Variants in ANXA2 observed in about 807,000 individuals in gnomAD.
ANXA2 encodes annexin II.
A neutral mutation model predicts 47.3 loss-of-function variants in ANXA2; 28 were observed. The observed-to-expected ratio is 0.59, with a 90% CI of 0.44 to 0.81. The LOEUF (loss-of-function observed/expected upper bound fraction) is 0.81, where lower values mean the gene tolerates loss of function less well. Ranked by LOEUF, ANXA2 falls within the 40% of genes least tolerant of loss-of-function variation. ANXA2 has a pLI of 0.00. For missense variants in ANXA2, 384 were observed against 414.3 expected (o/e 0.93, Z 0.64); for synonymous variants, 172 against 155.5 (o/e 1.11, Z -0.79).
chr15:60,386,181 ATT>A, intron 1 of ANXA2, 95 bp from the exon 2 acceptor site: 2 of 844,008 alleles, frequency 2.4e-6, no homozygotes, highest in Non-Finnish European at 1.9e-6. Flanking sequence ...TCCTTGGACC[ATT>A]TCATCTGACG....
intron 12 of ANXA2, 120 bp from the exon 13 acceptor site, chr15:60,347,809 C>T (rs572227265): frequency 9.2e-6 from 8 of 873,916 alleles, no homozygotes; most frequent in South Asian, 7.6e-5. Flanking sequence ...GAAGACTCTG[C>T]AGGAGACCTG....
rs767567164 is a variant in ANXA2 at position 60,347,628 on chromosome 15, C to T, written c.*2G>A. ...TTCTGGACGCTCAGGCCGTGTCGGG[C>T]TTCAGTCATCTCCACCACACAGGTA... On this transcript the variant is annotated 3_prime_UTR_variant, in exon 13 of 13. Transcript: ENST00000451270. 4 of 1,614,026 alleles carry T rather than the reference C, an allele frequency of 2.5e-6. No individual in the cohort carries two copies. In the Admixed American group the frequency reaches 5.0e-5, roughly 20 times the overall value.
intron 3 of ANXA2, among the ~76,000 whole-genome samples, chr15:60,368,046 T>C (rs2062659319): frequency 7.5e-6 from 1 of 133,014 alleles, no homozygotes; most frequent in African/African-American, 2.9e-5. Context: ...ATGTGCTGCG[T>C]CCACTCAGGG....
At chr15:60,379,130 T>G (rs2062820246) in intron 3 of ANXA2, among the ~76,000 whole-genome samples, 1 of 151,400 alleles carries the variant, frequency 6.6e-6, no homozygotes, top group East Asian at 1.9e-4. Context: ...AATACAAAAA[T>G]TAACCAGGTG....
chr15:60,382,240 A>C (rs905778627), intron 3 of ANXA2, 102 bp downstream of exon 3: 4 of 835,910 alleles, frequency 4.8e-6, no homozygotes, highest in Non-Finnish European at 8.1e-6. Context: ...GCTCGATGAC[A>C]ATTTCAAATC....
chr15:60,350,155 CAGGGGAAGGCAGGGAGGG>C (rs1566928484), intron 11 of ANXA2, among the ~76,000 whole-genome samples: 1 of 11,534 alleles, frequency 8.7e-5, no homozygotes, highest in Non-Finnish European at 1.7e-4. Flanking sequence ...GGCAGGGAGG[CAGGGGAAGGCAGGGAGGG>C]AGGGAGGAAA....
intron 7 of ANXA2, 27 bp from the exon 8 acceptor site, chr15:60,354,240 A>G (rs369037079): frequency 8.5e-5 from 133 of 1,564,866 alleles, no homozygotes; most frequent in Non-Finnish European, 1.0e-4. Flanking sequence ...AAGAACTTCA[A>G]ATACATTTCT....
chr15:60,353,423 C>A (rs1338185916), intron 8 of ANXA2, among the ~76,000 whole-genome samples: 1 of 152,154 alleles, frequency 6.6e-6, no homozygotes, highest in African/African-American at 2.4e-5. Context: ...CACCTGCCTG[C>A]CTGATTGGTA....
intron 4 of ANXA2, among the ~76,000 whole-genome samples, chr15:60,362,232 C>T (rs1432813286): frequency 6.6e-6 from 1 of 152,062 alleles, no homozygotes; most frequent in African/African-American, 2.4e-5. Context: ...TAGGTAACTC[C>T]AAACTTAGCC....
At chr15:60,351,109 CATGA>C (rs1303401802) in intron 11 of ANXA2, 80 bp downstream of exon 11, 2 of 1,439,576 alleles carry the variant, frequency 1.4e-6, no homozygotes, top group Non-Finnish European at 1.9e-6. Flanking sequence ...TTCCTCCATC[CATGA>C]ATCAAGGAGA....
chr15:60,389,475 G>A (rs978145011), intron 1 of ANXA2, among the ~76,000 whole-genome samples: 2 of 152,140 alleles, frequency 1.3e-5, no homozygotes, highest in Non-Finnish European at 2.9e-5. Flanking sequence ...CCAGTACTGT[G>A]CAGATCAAAG....
chr15:60,356,053 A>C (rs2062425486), intron 6 of ANXA2, 55 bp from the exon 7 acceptor site: 1 of 1,353,456 alleles, frequency 7.4e-7, no homozygotes, highest in Non-Finnish European at 1.1e-6. Context: ...CCAACCATCC[A>C]CCCCAATCTC....
In ANXA2 at chr15:60,382,409, G is replaced by C. The variant is rs768653435; in HGVS notation, c.81C>G (p.Val27=). 1.4e-5 allele frequency: 22 copies of C among 1,613,764 alleles called. No individual in the cohort carries two copies. The highest frequency in any genetic ancestry group is 1.3e-5 in the Non-Finnish European group (15 of 1,179,870). The change falls in exon 3 of 13, where the codon GTC becomes GTG. Residue 27 remains valine (V), a synonymous_variant. Transcript: ENST00000451270. Reference sequence around the variant, plus strand: ...CAGCATCAAAGTTAGTATAGGCTTTGACAGACCCATATGCACTTGGGGGTG... The same window carrying C: ...CAGCATCAAAGTTAGTATAGGCTTTCACAGACCCATATGCACTTGGGGGTG... ...HSTPPSAYGS[V]KAYTNFDAER...
At chr15:60,350,118 G>GCA (rs1895936775) in intron 11 of ANXA2, among the ~76,000 whole-genome samples, 1 of 55,790 alleles carries the variant, frequency 1.8e-5, no homozygotes, top group Non-Finnish European at 4.0e-5. Flanking sequence ...AGGCAGGGAG[G>GCA]GAGGGGAAGG....
intron 3 of ANXA2, among the ~76,000 whole-genome samples, chr15:60,373,848 G>A (rs1298918706): frequency 1.3e-5 from 2 of 152,224 alleles, no homozygotes; most frequent in African/African-American, 4.8e-5. Context: ...GCCCCTGCCT[G>A]CATTTGAATT....
intron 1 of ANXA2, chr15:60,390,379 C>T: frequency 2.8e-6 from 2 of 719,862 alleles, no homozygotes; most frequent in East Asian, 1.3e-4. Context: ...ACATGGTGAA[C>T]ATTCCTAAAA....
At chr15:60,368,303 A>AAACACCCAAAAAACAC (rs2062663503) in intron 3 of ANXA2, among the ~76,000 whole-genome samples, 1 of 45,694 alleles carries the variant, frequency 2.2e-5, no homozygotes, top group Non-Finnish European at 5.0e-5. Flanking sequence ...CCCAAGAATG[A>AAACACCCAAAAAACAC]TCAATAAAAA....
At chr15:60,357,584 G>A (rs562366509) in intron 5 of ANXA2, among the ~76,000 whole-genome samples, 1 of 152,198 alleles carries the variant, frequency 6.6e-6, no homozygotes, top group East Asian at 1.9e-4. Context: ...ACGAGGTCAA[G>A]AGATCAAGAC....
intron 7 of ANXA2, among the ~76,000 whole-genome samples, chr15:60,354,467 C>G (rs1281038735): frequency 1.3e-5 from 2 of 151,856 alleles, no homozygotes; most frequent in African/African-American, 4.8e-5. Flanking sequence ...AGGTGAAACC[C>G]TGTCTCTACT....
Sources: gnomAD v4.1 joint callset for allele counts (sites outside exome capture counted in the v4.1 genomes callset) on GRCh38, gnomAD v4.1.1 for gene constraint, MANE v1.5 for transcripts, NCBI Gene and HGNC (gene_info 2026-07-23, HGNC 2026-07-21) for gene names.